The following ADARB1 variants were observed in gnomAD, a reference collection of about 807,000 sequenced individuals.
ADARB1 encodes double-stranded RNA-specific editase 1.
Under a neutral mutation model 52.4 loss-of-function variants are expected in ADARB1, and 10 were observed. That is an observed-to-expected ratio of 0.19 (90% CI 0.12 to 0.32). The LOEUF (loss-of-function observed/expected upper bound fraction) is 0.32, where lower values mean the gene tolerates loss of function less well. ADARB1 is among the 10% of genes least tolerant of loss of function. The pLI is 1.00. For synonymous variants in ADARB1, 349 were observed against 371.1 expected (o/e 0.94, Z 0.68); for missense variants, 643 against 922.3 (o/e 0.70, Z 3.92).
At chr21:45,126,272 G>GCC (rs2088572631) in intron 1 of ADARB1, among the ~76,000 whole-genome samples, 1 of 152,172 alleles carries the variant, frequency 6.6e-6, no homozygotes, top group Non-Finnish European at 1.5e-5. Flanking sequence ...TGTCCTTGAG[G>GCC]AGCTGATGTG....
intron 9 of ADARB1, among the ~76,000 whole-genome samples, chr21:45,217,465 G>A (rs927819269): frequency 2.0e-5 from 3 of 152,002 alleles, no homozygotes; most frequent in African/African-American, 7.2e-5. Flanking sequence ...TATAGTAAAA[G>A]AACCTTACAA....
intron 2 of ADARB1, among the ~76,000 whole-genome samples, chr21:45,152,130 A>C (rs1273351921): frequency 6.6e-6 from 1 of 152,224 alleles, no homozygotes; most frequent in Non-Finnish European, 1.5e-5. Context: ...AGCTGTTTTC[A>C]TCAGCTGGCG....
intron 2 of ADARB1, among the ~76,000 whole-genome samples, chr21:45,154,762 A>G (rs1177717676): frequency 6.6e-6 from 1 of 152,214 alleles, no homozygotes; most frequent in Non-Finnish European, 1.5e-5. Context: ...CCATTTAAAT[A>G]CTGGCCAGAG....
At chr21:45,134,750 C>T (rs1227900528) in intron 2 of ADARB1, 1 of 530,102 alleles carries the variant, frequency 1.9e-6, no homozygotes, top group Non-Finnish European at 3.9e-6. Flanking sequence ...CACCCTCATT[C>T]ATCCAGCGAG....
chr21:45,155,125 A>C (rs2090486773), intron 2 of ADARB1, among the ~76,000 whole-genome samples: 1 of 152,224 alleles, frequency 6.6e-6, no homozygotes, highest in African/African-American at 2.4e-5. Flanking sequence ...GTGTATGCAC[A>C]TGTGAAGACC....
At chr21:45,140,071 G>C (rs1251937959) in intron 2 of ADARB1, among the ~76,000 whole-genome samples, 6 of 149,566 alleles carry the variant, frequency 4.0e-5, no homozygotes, top group Non-Finnish European at 7.4e-5. Context: ...AGCCTCCCTA[G>C]TAGCTGGGAT....
At chr21:45,116,850 T>C (rs981284328) in intron 1 of ADARB1, 8 of 152,124 alleles carry the variant, frequency 5.3e-5, no homozygotes, top group African/African-American at 1.9e-4. Context: ...GGAACTACAA[T>C]TGAAGATGAG....
chr21:45,134,205 G>A (rs2089190117), intron 2 of ADARB1, among the ~76,000 whole-genome samples: 1 of 118,062 alleles, frequency 8.5e-6, no homozygotes, highest in Non-Finnish European at 1.8e-5. Context: ...CGATGGGTGT[G>A]TGTGCCCGAC....
intron 1 of ADARB1, among the ~76,000 whole-genome samples, chr21:45,080,572 T>C (rs959282625): frequency 6.6e-6 from 1 of 152,252 alleles, no homozygotes; most frequent in Non-Finnish European, 1.5e-5. Flanking sequence ...AATCTCACCC[T>C]AGGACTCAGG....
rs766542655 is a variant in ADARB1, at chr21:45,176,466, C to T, written c.765C>T (p.Ser255=). ...TCAAGTATGACTTCCTCTCCGAGAG[C>T]GGGGAGAGCCATGCCAAGAGCTTCG... is the stretch of plus-strand genomic sequence containing the variant. ...PGLKYDFLSE[S]GESHAKSFVM... Residue 255 remains serine, a synonymous_variant, in exon 4 of 11, where the codon AGC becomes AGT. Transcript: ENST00000348831. This position sits in a 1 kb window ranked among gnomAD's most constrained non-coding sequence, Gnocchi z 5.8. 1.5e-5 allele frequency: 24 copies of T among 1,613,970 alleles called. No individual in the cohort carries two copies. In the Middle Eastern group the frequency reaches 4.9e-4, roughly 33 times the overall value.
At chr21:45,097,769 G>A (rs2086828869) in intron 1 of ADARB1, among the ~76,000 whole-genome samples, 1 of 152,120 alleles carries the variant, frequency 6.6e-6, no homozygotes, top group South Asian at 2.1e-4. Flanking sequence ...GAGCTGTCAG[G>A]GAGGCCATTG....
In ADARB1 at chr21:45,176,951, C is replaced by T. The variant is rs749436552; in HGVS notation, c.963+287C>T. The T allele has an allele frequency of 6.3e-5, 18 of 283,570 alleles. No homozygotes were observed. Among genetic ancestry groups the T allele is most frequent in the African/African-American group, 1.8e-4 (4 of 22,596 alleles). The allele number at this position is 283,570 out of a possible 1,614,324, so 17.6% of individuals were successfully genotyped here. A position where few individuals can be genotyped will look rare whatever the true frequency, so the allele number is the denominator to read the frequency against. On this transcript the variant is annotated intron_variant, in intron 4 of 10. Transcript: ENST00000348831. This position sits in a 1 kb window ranked among gnomAD's most constrained non-coding sequence, Gnocchi z 5.8. ...ACAACACTATCCATAACTCCCTTCC[C>T]GTTAGGCAACCCCCCCCATGACCCT...
At chr21:45,217,521 T>TC (rs1174079068) in intron 9 of ADARB1, among the ~76,000 whole-genome samples, 1 of 152,234 alleles carries the variant, frequency 6.6e-6, no homozygotes, top group Non-Finnish European at 1.5e-5. Context: ...GGTATTGTTT[T>TC]CAGACACTTT....
intron 1 of ADARB1, among the ~76,000 whole-genome samples, chr21:45,126,923 C>T (rs1320629568): frequency 6.6e-6 from 1 of 152,226 alleles, no homozygotes; most frequent in Admixed American, 6.5e-5. Context: ...GTTGGTGGGA[C>T]ATGATGTGGG....
At chr21:45,180,305 A>T in intron 4 of ADARB1, 25 bp from the exon 5 acceptor site, 1 of 1,571,868 alleles carries the variant, frequency 6.4e-7, no homozygotes, top group Non-Finnish European at 8.7e-7. Flanking sequence ...CTGGCCCCTA[A>T]CCTGCATCTG....
intron 1 of ADARB1, among the ~76,000 whole-genome samples, chr21:45,076,140 G>T (rs1029928893): frequency 2.0e-5 from 3 of 152,228 alleles, no homozygotes; most frequent in Non-Finnish European, 2.9e-5. Context: ...CCTTGGGGTT[G>T]AGACTGCTGT....
intron 1 of ADARB1, among the ~76,000 whole-genome samples, chr21:45,109,743 G>A (rs1262070130): frequency 2.0e-5 from 3 of 152,176 alleles, no homozygotes; most frequent in African/African-American, 4.8e-5. Context: ...TAAAACCAAC[G>A]TCTTGATGCC....
intron 9 of ADARB1, among the ~76,000 whole-genome samples, chr21:45,219,729 C>G (rs1412533418): frequency 1.3e-5 from 2 of 152,206 alleles, no homozygotes; most frequent in African/African-American, 4.8e-5. Flanking sequence ...CCCTCACACA[C>G]TTGCCCTTGT....
intron 8 of ADARB1, among the ~76,000 whole-genome samples, chr21:45,188,401 C>T (rs1300330898): frequency 6.6e-6 from 1 of 152,208 alleles, no homozygotes; most frequent in Non-Finnish European, 1.5e-5. Flanking sequence ...GCCACTGCCC[C>T]CAGCCATGGG....
Sources: gnomAD v4.1 joint callset for allele counts (sites outside exome capture counted in the v4.1 genomes callset) on GRCh38, gnomAD v4.1.1 for gene constraint, Gnocchi (gnomAD v3.1) non-coding constraint, MANE v1.5 for transcripts, NCBI Gene and HGNC (gene_info 2026-07-23, HGNC 2026-07-21) for gene names.